XKR4: variants seen among roughly 807,000 people sequenced by gnomAD.
XKR4 encodes XK related 4, also known as XK-related protein 4.
In XKR4, 12 loss-of-function variants were observed where a neutral mutation model predicts 53.9. The ratio of observed to expected loss-of-function variants is 0.22; its 90% CI spans 0.14 to 0.36. The LOEUF is 0.36. XKR4 is among the 10% of genes least tolerant of loss of function. The probability of loss-of-function intolerance (pLI) is 1.00; values close to 1 mark genes in which losing one functional copy is unlikely to be tolerated. For missense variants in XKR4, 799 were observed against 859.5 expected (o/e 0.93, Z 0.88); for synonymous variants, 354 against 362.4 (o/e 0.98, Z 0.26).
At chr8:55,122,181 G>T (rs1816401307) in intron 1 of XKR4, among the ~76,000 whole-genome samples, 1 of 152,032 alleles carries the variant, frequency 6.6e-6, no homozygotes, top group Admixed American at 6.5e-5. Context: ...ATAATTTTTG[G>T]CCTAAATTAT....
intron 1 of XKR4, among the ~76,000 whole-genome samples, chr8:55,242,653 G>T (rs965904807): frequency 4.6e-5 from 7 of 152,202 alleles, no homozygotes; most frequent in African/African-American, 1.7e-4. Context: ...CACTCAGAAG[G>T]TTGGTGAGTG....
intron 1 of XKR4, among the ~76,000 whole-genome samples, chr8:55,335,201 A>G (rs781522346): frequency 6.6e-6 from 1 of 152,224 alleles, no homozygotes; most frequent in Admixed American, 6.6e-5. Context: ...TAACAACTAT[A>G]TTAAGGAAAC....
chr8:55,210,292 C>T (rs1029900786), intron 1 of XKR4, among the ~76,000 whole-genome samples: 4 of 152,048 alleles, frequency 2.6e-5, no homozygotes, highest in Non-Finnish European at 4.4e-5. Flanking sequence ...TCATGTTGCC[C>T]AGGCTGGTCT....
intron 2 of XKR4, among the ~76,000 whole-genome samples, chr8:55,425,449 C>G (rs962380573): frequency 2.6e-5 from 4 of 152,200 alleles, no homozygotes; most frequent in Admixed American, 2.6e-4. Context: ...CTACTACCCT[C>G]AGGCTGATAA....
intron 1 of XKR4, among the ~76,000 whole-genome samples, chr8:55,254,920 T>C (rs978885374): frequency 1.8e-4 from 28 of 152,244 alleles, no homozygotes; most frequent in Non-Finnish European, 3.8e-4. Context: ...TATTCTGAAA[T>C]CATGATACAC....
chr8:55,253,721 A>ATTTTC (rs1440667746), intron 1 of XKR4, among the ~76,000 whole-genome samples: 2 of 126,356 alleles, frequency 1.6e-5, no homozygotes, highest in Admixed American at 8.1e-5. Context: ...ATTATTTCAT[A>ATTTTC]TTTTCTTTTC....
rs1025237992 is a variant in XKR4 at position 55,527,498 on chromosome 8, T to C, written c.*3271T>C. The stretch of plus-strand genomic sequence containing the variant: ...AATATGAAACCATGTTTAATGAATA[T>C]ATATAATGTGTGTGTGTGTATCTTA... On this transcript the variant is annotated 3_prime_UTR_variant, in exon 3 of 3. Transcript: ENST00000327381. 1 of 152,202 alleles carries C rather than the reference T, an allele frequency of 6.6e-6. No homozygotes were observed. Among genetic ancestry groups the C allele is most frequent in the African/African-American group, 2.4e-5 (1 of 41,456 alleles). The allele number at this position is 152,202 out of a possible 1,614,324, so 9.4% of individuals were successfully genotyped here. A position where few individuals can be genotyped will look rare whatever the true frequency, so the allele number is the denominator to read the frequency against.
intron 1 of XKR4, among the ~76,000 whole-genome samples, chr8:55,186,325 T>C (rs938877874): frequency 6.6e-6 from 1 of 152,156 alleles, no homozygotes. Context: ...AAGATGACCA[T>C]ATCAGTAAAA....
chr8:55,450,432 GTCC>G, intron 2 of XKR4: 1 of 577,964 alleles, frequency 1.7e-6, no homozygotes, highest in Non-Finnish European at 3.2e-6. Context: ...TGCTCATCCG[GTCC>G]ACACAGAGAC....
chr8:55,453,196 C>A (rs573367041), intron 2 of XKR4: 46 of 497,210 alleles, frequency 9.3e-5, no homozygotes, highest in East Asian at 8.9e-4. Context: ...AGAGAACTAC[C>A]TTACCCCTTG....
At chr8:55,219,347 A>G (rs944905589) in intron 1 of XKR4, among the ~76,000 whole-genome samples, 3 of 152,096 alleles carry the variant, frequency 2.0e-5, no homozygotes, top group African/African-American at 7.2e-5. Flanking sequence ...GAGAGTAGCA[A>G]TTCATTCTTG....
intron 2 of XKR4, among the ~76,000 whole-genome samples, chr8:55,412,056 T>C (rs1036349480): frequency 6.6e-6 from 1 of 152,162 alleles, no homozygotes; most frequent in Non-Finnish European, 1.5e-5. Context: ...GAGCACAGAA[T>C]GGAAGTATTT....
intron 1 of XKR4, among the ~76,000 whole-genome samples, chr8:55,291,692 A>G (rs914275677): frequency 5.3e-5 from 8 of 152,084 alleles, no homozygotes; most frequent in Non-Finnish European, 8.8e-5. Context: ...TGAGTTTTTT[A>G]TGTTATCATA....
intron 1 of XKR4, among the ~76,000 whole-genome samples, chr8:55,354,809 A>C (rs1161054485): frequency 6.6e-6 from 1 of 152,144 alleles, no homozygotes; most frequent in African/African-American, 2.4e-5. Context: ...TATGAAGAAC[A>C]ATATAAATCA....
chr8:55,317,351 C>T (rs1349726410), intron 1 of XKR4, among the ~76,000 whole-genome samples: 1 of 152,108 alleles, frequency 6.6e-6, no homozygotes, highest in Non-Finnish European at 1.5e-5. Flanking sequence ...AGCCCCTCCC[C>T]CCATTGGTTG....
At chr8:55,216,349 G>C in intron 1 of XKR4, among the ~76,000 whole-genome samples, 1 of 152,188 alleles carries the variant, frequency 6.6e-6, no homozygotes, top group South Asian at 2.1e-4. Context: ...TCAAGCCCTA[G>C]TGACCAAGGA....
chr8:55,351,845 C>A (rs978436672), intron 1 of XKR4, among the ~76,000 whole-genome samples: 7 of 152,212 alleles, frequency 4.6e-5, no homozygotes, highest in Non-Finnish European at 1.0e-4. Flanking sequence ...TGTTAAAATG[C>A]AAGTCAGATT....
Position 55,330,507 on chromosome 8 carries a change from T to TA in XKR4, c.807-27162dup, listed in dbSNP as rs1319220944. Among the ~76,000 whole-genome samples the TA allele has an allele frequency of 6.1e-3, 921 of 151,504 alleles. 12 individuals are homozygous for TA. The highest frequency in any genetic ancestry group is 0.021 in the African/African-American group (858 of 41,350). ...AAATGGAAAAAACATGCTGTTTTAT[T>TA]AAAAAAAAATACATTGTTGTCCAGA... is the stretch of plus-strand genomic sequence containing the variant. On this transcript the variant is annotated intron_variant, in intron 1 of 2. Coordinates refer to ENST00000327381, the MANE Select transcript of XKR4 (RefSeq NM_052898.2).
chr8:55,240,812 T>C (rs556645066), intron 1 of XKR4, among the ~76,000 whole-genome samples: 1 of 152,224 alleles, frequency 6.6e-6, no homozygotes, highest in Admixed American at 6.6e-5. Flanking sequence ...ATGTGACTCA[T>C]GTGACTCAGA....
Sources: allele counts gnomAD v4.1 joint callset (sites outside exome capture counted in the v4.1 genomes callset), GRCh38; gene constraint gnomAD v4.1.1; transcripts MANE v1.5; gene names NCBI Gene and HGNC (gene_info 2026-07-23, HGNC 2026-07-21).